Variants in ABCA12 observed in about 807,000 individuals in gnomAD.
The protein encoded by ABCA12 is glucosylceramide transporter ABCA12.
In ABCA12, 156 loss-of-function variants were observed where a neutral mutation model predicts 293.5. The observed-to-expected ratio is 0.53, with a 90% confidence interval of 0.47 to 0.61. ABCA12 has a LOEUF of 0.61. Ranked by LOEUF, ABCA12 falls within the 20% of genes least tolerant of loss-of-function variation. ABCA12 has a pLI of 0.00. For synonymous variants in ABCA12, 1,063 were observed against 1,108.0 expected, an observed-to-expected ratio of 0.96 and a Z score of 0.81; for missense variants, 2,797 against 3,090.2, an observed-to-expected ratio of 0.91 and a Z score of 2.25.
At chr2:215,061,988 G>T (rs572933814) in intron 3 of ABCA12, among the ~76,000 whole-genome samples, 1 of 152,130 alleles carries the variant, frequency 6.6e-6, no homozygotes, top group East Asian at 1.9e-4. Context: ...AATCCAATTT[G>T]TAAATGATGG....
At chr2:215,135,902 C>T (rs937877649) in intron 1 of ABCA12, among the ~76,000 whole-genome samples, 5 of 152,162 alleles carry the variant, frequency 3.3e-5, no homozygotes, top group African/African-American at 4.8e-5. Flanking sequence ...TGACCCTAGG[C>T]GAAACTGTGA....
In ABCA12 at chr2:214,974,144, T is replaced by G. The variant is rs916470474; in HGVS notation, c.5469-102A>C. On this transcript the variant is annotated intron_variant, in intron 35 of 52. Coordinates refer to ENST00000272895, the MANE Select transcript of ABCA12 (RefSeq NM_173076.3). ...GTATTTGGTATTAAGTTCATGTGTG[T>G]AGTCACAGAACAATTTACTGATTTT... 8 of 1,025,548 alleles carry G rather than the reference T, an allele frequency of 7.8e-6. No individual in the cohort carries two copies. The Admixed American group carries it at 9.4e-5, about 12-fold the overall frequency. 63.5% of individuals were successfully genotyped at this position (1,025,548 alleles called of 1,614,324 possible). A position where few individuals can be genotyped will look rare whatever the true frequency, so the allele number is the denominator to read the frequency against.
chr2:215,130,099 C>G (rs1037898259), intron 1 of ABCA12, among the ~76,000 whole-genome samples: 2 of 152,096 alleles, frequency 1.3e-5, no homozygotes, highest in African/African-American at 4.8e-5. Context: ...ATTTTTGTAT[C>G]AGTATCATGC....
chr2:215,007,780 G>A lies in ABCA12; in HGVS notation c.2539C>T (p.Pro847Ser). The A allele has an allele frequency of 1.9e-6, 3 of 1,614,012 alleles. No individual in the cohort carries two copies. The highest frequency in any genetic ancestry group is 2.5e-6 in the Non-Finnish European group (3 of 1,179,958). ...EKSQEWMDKS[P>S]LFMNSFHLLN... ...AGATGGAAGGAATTCATGAAAAGTGGCGACTTATCCATCCACTCTTGAGAT... is the reference window on the plus strand; with the variant it reads ...AGATGGAAGGAATTCATGAAAAGTGACGACTTATCCATCCACTCTTGAGAT... Residue 847 changes from proline (P) to serine (S), a missense_variant, in exon 19 of 53, where the codon CCA becomes TCA. Pro to Ser is a moderately conservative substitution (Grantham distance 74). Coordinates refer to ENST00000272895, the MANE Select transcript of ABCA12 (RefSeq NM_173076.3).
chr2:215,015,708 G>A (rs1334397070), intron 14 of ABCA12, 45 bp from the exon 15 acceptor site: 3 of 1,570,780 alleles, frequency 1.9e-6, no homozygotes, highest in Admixed American at 3.3e-5. Context: ...AATCATTCGA[G>A]AGTCAACTGT....
At chr2:215,056,336 T>C (rs1012485235) in intron 3 of ABCA12, among the ~76,000 whole-genome samples, 2 of 152,026 alleles carry the variant, frequency 1.3e-5, no homozygotes, top group Non-Finnish European at 2.9e-5. Context: ...TTAAACACCA[T>C]GGAAAGACAA....
At chr2:215,047,443 C>A (rs1403178392) in intron 6 of ABCA12, among the ~76,000 whole-genome samples, 2 of 152,080 alleles carry the variant, frequency 1.3e-5, no homozygotes, top group Admixed American at 6.5e-5. Flanking sequence ...ACACATAGAC[C>A]AATGGAACAG....
At chr2:215,037,398 C>CT (rs887917970) in intron 7 of ABCA12, among the ~76,000 whole-genome samples, 2 of 151,970 alleles carry the variant, frequency 1.3e-5, no homozygotes, top group African/African-American at 4.8e-5. Flanking sequence ...AAGAATACAT[C>CT]TTTTTTTAGC....
chr2:215,025,666 GGC>G lies in ABCA12; in HGVS notation c.1287+5_1287+6del. The G allele has an allele frequency of 8.2e-7, 1 of 1,219,204 alleles. No individual in the cohort carries two copies. The highest frequency in any genetic ancestry group is 2.6e-5 in the East Asian group (1 of 38,244). 75.5% of individuals were successfully genotyped at this position (1,219,204 alleles called of 1,614,324 possible). A position where few individuals can be genotyped will look rare whatever the true frequency, so the allele number is the denominator to read the frequency against. ...TTTTTTGTTTTTTTTTTACTTTCAT[GGC>G]TTACTTTTGATTTTAGGACTTCAGG... On this transcript the variant is annotated splice_donor_5th_base_variant and intron_variant, in intron 11 of 52. Transcript: ENST00000272895.
In ABCA12 at chr2:215,138,372, CT is replaced by C; in HGVS notation, c.-165del. ...GAAACCCACAGTTCTTCTGTTTCTG[CT>C]GGATTTTTCCCTGTGGTTAATCCTT... On this transcript the variant is annotated 5_prime_UTR_variant, in exon 1 of 53. Transcript: ENST00000272895. 1 of 736,022 alleles carries C rather than the reference CT, an allele frequency of 1.4e-6. No individual in the cohort carries two copies. Among genetic ancestry groups the C allele is most frequent in the Admixed American group, 2.1e-5 (1 of 47,600 alleles). 45.6% of individuals were successfully genotyped at this position (736,022 alleles called of 1,614,324 possible). A position where few individuals can be genotyped will look rare whatever the true frequency, so the allele number is the denominator to read the frequency against.
Position 214,978,820 on chromosome 2 carries a change from T to C in ABCA12, c.4961A>G (p.Asp1654Gly). The C allele has an allele frequency of 6.2e-7, 1 of 1,614,062 alleles. No individual in the cohort carries two copies. Among genetic ancestry groups the C allele is most frequent in the Non-Finnish European group, 8.5e-7 (1 of 1,179,944 alleles). ...GAGGTATACCTCCTCCACGGTGGTA[T>C]CTGAAATGCCGTAGCACCCGATGTT... is the stretch of plus-strand genomic sequence containing the variant. ...DLNIGCYGISDTTVEEVFLNL... is the reference protein window; with the variant it reads ...DLNIGCYGISGTTVEEVFLNL... Residue 1654 changes from aspartate (D) to glycine (G), a missense_variant, in exon 32 of 53, where the codon GAT (aspartate) becomes GGT (glycine). Asp to Gly is a moderately conservative substitution (Grantham distance 94, BLOSUM62 -1). Around this residue, in one of 3 missense-constraint regions of ABCA12, gnomAD observed 2,130 missense variants for 2,427.0 expected, o/e 0.88. Transcript: ENST00000272895.
intron 2 of ABCA12, among the ~76,000 whole-genome samples, chr2:215,097,169 C>G (rs1387496895): frequency 6.6e-6 from 1 of 152,120 alleles, no homozygotes; most frequent in Admixed American, 6.6e-5. Context: ...CCTTTACCCC[C>G]ACCTTCACGA....
chr2:214,946,258 G>T (rs909479419), intron 48 of ABCA12, among the ~76,000 whole-genome samples: 1 of 152,070 alleles, frequency 6.6e-6, no homozygotes, highest in Non-Finnish European at 1.5e-5. Flanking sequence ...AAAGAAATTA[G>T]TGTTAATTTG....
chr2:214,954,233 C>G, intron 43 of ABCA12, 126 bp from the exon 44 acceptor site: 1 of 939,260 alleles, frequency 1.1e-6, no homozygotes, highest in Non-Finnish European at 1.6e-6. Context: ...GCAATTATTT[C>G]CCATATAGGC....
At chr2:215,113,145 G>C (rs1463302662) in intron 1 of ABCA12, among the ~76,000 whole-genome samples, 1 of 152,068 alleles carries the variant, frequency 6.6e-6, no homozygotes, top group African/African-American at 2.4e-5. Flanking sequence ...ATTCACCAAA[G>C]CAATCCAAAC....
intron 1 of ABCA12, among the ~76,000 whole-genome samples, chr2:215,134,612 TATATAGAGAGAGAGAG>T (rs1703165268): frequency 3.3e-5 from 3 of 91,634 alleles, no homozygotes; most frequent in African/African-American, 2.4e-4. Context: ...TATATATATA[TATATAGAGAGAGAGAG>T]AGAGAGAGAG....
chr2:215,076,580 G>A (rs1395529908), intron 2 of ABCA12, among the ~76,000 whole-genome samples: 1 of 152,132 alleles, frequency 6.6e-6, no homozygotes, highest in Non-Finnish European at 1.5e-5. Context: ...AATTGATAAA[G>A]CTAGTATGGC....
At chr2:215,099,023 G>A (rs1702300154) in intron 2 of ABCA12, among the ~76,000 whole-genome samples, 3 of 152,234 alleles carry the variant, frequency 2.0e-5, no homozygotes, top group Admixed American at 2.0e-4. Flanking sequence ...TTTTCAAAAG[G>A]TGGAGCCTAA....
At chr2:214,968,088 G>T (rs143379495) in intron 38 of ABCA12, among the ~76,000 whole-genome samples, 2 of 151,968 alleles carry the variant, frequency 1.3e-5, no homozygotes, top group African/African-American at 2.4e-5. Context: ...TAGTTTTGAC[G>T]TATACACAAG....
Sources: gnomAD v4.1 joint callset for allele counts (sites outside exome capture counted in the v4.1 genomes callset) on GRCh38, gnomAD v4.1.1 for gene constraint, gnomAD v4.1.1 regional missense constraint, MANE v1.5 for transcripts, NCBI Gene and HGNC (gene_info 2026-07-23, HGNC 2026-07-21) for gene names.